CDKL2: variants seen among roughly 807,000 people sequenced by gnomAD.
CDKL2 encodes cyclin dependent kinase like 2, also known as cyclin-dependent kinase-like 2.
In CDKL2, 64 loss-of-function variants were observed where a neutral mutation model predicts 63.9. The observed-to-expected ratio is 1.00, with a 90% CI of 0.82 to 1.23. The LOEUF is 1.23. CDKL2 is among the 50% of genes most tolerant of loss of function. The probability of loss-of-function intolerance (pLI) is 0.00; values close to 1 mark genes in which losing one functional copy is unlikely to be tolerated. For synonymous variants in CDKL2, 211 were observed against 229.2 expected (o/e 0.92, Z 0.72); for missense variants, 656 against 668.0 (o/e 0.98, Z 0.20).
chr4:75,612,006 T>G (rs1481083003), intron 3 of CDKL2, among the ~76,000 whole-genome samples: 1 of 152,078 alleles, frequency 6.6e-6, no homozygotes, highest in Non-Finnish European at 1.5e-5. Context: ...AGTCTCGCCA[T>G]GTTGCCCAGG....
At position 75,607,053 on chromosome 4, in the gene CDKL2, C is replaced by G. The variant is rs115116341; in HGVS notation, c.542+130G>C. 984 of 661,504 alleles carry G rather than the reference C, an allele frequency of 1.5e-3. 6 individuals carry two copies. In the African/African-American group the frequency reaches 0.015, roughly 10 times the overall value. 41.0% of individuals were successfully genotyped at this position (661,504 alleles called of 1,614,324 possible). A position where few individuals can be genotyped will look rare whatever the true frequency, so the allele number is the denominator to read the frequency against. ...AAGCACCAAAAATGATTACAATTTACTTTATATAGTCCCTGAAACTCAAGC... is the reference window on the plus strand; with the variant it reads ...AAGCACCAAAAATGATTACAATTTAGTTTATATAGTCCCTGAAACTCAAGC... On this transcript the variant is annotated intron_variant, in intron 4 of 13. Transcript: ENST00000307465.
intron 13 of CDKL2, 90 bp downstream of exon 13, chr4:75,581,720 C>A: frequency 1.6e-6 from 1 of 638,264 alleles, no homozygotes; most frequent in South Asian, 2.1e-5. Context: ...TCACTGGAGA[C>A]GGTTTCAGCT....
chr4:75,600,359 T>G lies in CDKL2; in HGVS notation c.806A>C (p.His269Pro). ...VVIDLAKKCL[H>P]IDPDKRPFCA... ...GAAGGGTCTTTTGTCGGGGTCAATA[T>G]GTAAGCATTTCTGAAAAATTAAGAA... Residue 269 changes from histidine to proline, a missense_variant, in exon 7 of 14, where the codon CAT becomes CCT. Physicochemically the swap from His to Pro is moderately conservative, Grantham distance 77 (BLOSUM62 -2). Coordinates refer to ENST00000307465, the MANE Select transcript of CDKL2 (RefSeq NM_001330724.2). 1 of 1,608,622 alleles carries G rather than the reference T, an allele frequency of 6.2e-7. No individual in the cohort carries two copies. Among genetic ancestry groups the G allele is most frequent in the Non-Finnish European group, 8.5e-7 (1 of 1,176,000 alleles).
At position 75,579,264 on chromosome 4, in the gene CDKL2, C is replaced by T. The variant is rs188397356; in HGVS notation, c.*24-86G>A. ...TTCTATCTCACTTGCTTTCTCACAT[C>T]GTATATATTGATAACATTGGTGGGT... On this transcript the variant is annotated intron_variant, in intron 13 of 13. Coordinates refer to ENST00000307465, the MANE Select transcript of CDKL2 (RefSeq NM_001330724.2). 7.9e-5 allele frequency: 12 copies of T among 152,302 alleles called. No homozygotes were observed. In the East Asian group the frequency reaches 2.1e-3, roughly 27 times the overall value. 9.4% of individuals were successfully genotyped at this position (152,302 alleles called of 1,614,324 possible).
At chr4:75,585,063 A>G (rs1728415797) in intron 12 of CDKL2, among the ~76,000 whole-genome samples, 2 of 152,204 alleles carry the variant, frequency 1.3e-5, no homozygotes, top group South Asian at 4.1e-4. Context: ...TTAAATATAA[A>G]TATAAAAAAC....
At chr4:75,603,191 G>A (rs370030945) in intron 6 of CDKL2, among the ~76,000 whole-genome samples, 1 of 146,578 alleles carries the variant, frequency 6.8e-6, no homozygotes, top group Non-Finnish European at 1.5e-5. Context: ...TAGTAGAGAC[G>A]GGGTTTCACC....
chr4:75,581,016 T>TA (rs1280032049), intron 13 of CDKL2, among the ~76,000 whole-genome samples: 1 of 152,178 alleles, frequency 6.6e-6, no homozygotes, highest in African/African-American at 2.4e-5. Context: ...TTTTTAATAC[T>TA]AAAAAAGTTA....
intron 12 of CDKL2, among the ~76,000 whole-genome samples, chr4:75,589,365 C>T (rs974390072): frequency 4.7e-5 from 6 of 127,160 alleles, no homozygotes; most frequent in Admixed American, 3.9e-4. Context: ...AGTGCAGTGG[C>T]GGGATCTCGG....
intron 3 of CDKL2, among the ~76,000 whole-genome samples, chr4:75,608,023 A>G (rs1382756716): frequency 6.6e-6 from 1 of 151,070 alleles, no homozygotes; most frequent in Non-Finnish European, 1.5e-5. Context: ...CGTGTTAGCC[A>G]GGATGGTCTC....
At chr4:75,621,893 A>G (rs1730172471) in intron 2 of CDKL2, among the ~76,000 whole-genome samples, 1 of 152,214 alleles carries the variant, frequency 6.6e-6, no homozygotes, top group South Asian at 2.1e-4. Context: ...AATATTAGGT[A>G]TATCCTAATA....
chr4:75,608,211 G>A (rs751203451), intron 3 of CDKL2, among the ~76,000 whole-genome samples: 18 of 127,202 alleles, frequency 1.4e-4, no homozygotes, highest in African/African-American at 3.9e-4. Context: ...TTCAACCTCC[G>A]CCTCCTGGGT....
At position 75,591,637 on chromosome 4, in the gene CDKL2, G is replaced by A. The variant is rs1324444025; in HGVS notation, c.1647+182C>T. On this transcript the variant is annotated intron_variant, in intron 12 of 13. Transcript: ENST00000307465. ...TTATGGGAAGTTAGGAAATGTTTAT[G>A]TAAATATATATGTAATAAAGGTACT... Among the ~76,000 whole-genome samples, 5 of 152,060 alleles carry A rather than the reference G, an allele frequency of 3.3e-5. No individual in the cohort carries two copies. In the East Asian group the frequency reaches 9.6e-4, roughly 29 times the overall value.
At chr4:75,610,150 C>T (rs1729624564) in intron 3 of CDKL2, among the ~76,000 whole-genome samples, 1 of 151,482 alleles carries the variant, frequency 6.6e-6, no homozygotes, top group East Asian at 1.9e-4. Context: ...TTGCAGTGAG[C>T]CGAAATCGAG....
chr4:75,608,815 G>A (rs1729544918), intron 3 of CDKL2, among the ~76,000 whole-genome samples: 1 of 152,112 alleles, frequency 6.6e-6, no homozygotes, highest in Non-Finnish European at 1.5e-5. Flanking sequence ...CCAACTTGGT[G>A]AAACCTTGTC....
intron 3 of CDKL2, among the ~76,000 whole-genome samples, chr4:75,610,992 C>A (rs545851777): frequency 6.6e-6 from 1 of 152,238 alleles, no homozygotes; most frequent in African/African-American, 2.4e-5. Context: ...ACTTATGTGT[C>A]AGGCACTATT....
chr4:75,579,577 G>A (rs1728170556), intron 13 of CDKL2, among the ~76,000 whole-genome samples: 1 of 152,314 alleles, frequency 6.6e-6, no homozygotes, highest in African/African-American at 2.4e-5. Flanking sequence ...TCAGGAGGCT[G>A]AGGCAGGAGA....
chr4:75,603,769 T>C, intron 6 of CDKL2, 48 bp downstream of exon 6: 1 of 1,175,942 alleles, frequency 8.5e-7, no homozygotes, highest in Non-Finnish European at 1.2e-6. Flanking sequence ...AAGGTCTTGA[T>C]AGTGCATAAA....
chr4:75,587,176 G>A (rs911222036), intron 12 of CDKL2, among the ~76,000 whole-genome samples: 17 of 152,300 alleles, frequency 1.1e-4, no homozygotes, highest in African/African-American at 2.2e-4. Context: ...ATAAGAGGCC[G>A]GGTGCAGTGG....
At position 75,581,891 on chromosome 4, in the gene CDKL2, C is replaced by T. The variant is rs745595790; in HGVS notation, c.1655G>A (p.Gly552Glu). The T allele has an allele frequency of 6.2e-7, 1 of 1,608,566 alleles. No individual in the cohort carries two copies. Among genetic ancestry groups the T allele is most frequent in the Admixed American group, 1.7e-5 (1 of 59,902 alleles). The change falls in exon 13 of 14, where the codon GGA (glycine) becomes GAA (glutamate). Residue 552 changes from glycine (G) to glutamate (E), a missense_variant. Physicochemically the swap from Gly to Glu is moderately conservative, Grantham distance 98 (BLOSUM62 -2). Transcript: ENST00000307465. ...CCCTGAATCATCTGACAGGGGAGGT[C>T]CTGATACCTATAAATTAATAATAGA... ...TPSITLHQVS[G>E]PPLSDDSGAD... is the part of the protein sequence containing the mutation.
Sources: gnomAD v4.1 joint callset for allele counts (sites outside exome capture counted in the v4.1 genomes callset) on GRCh38, gnomAD v4.1.1 for gene constraint, MANE v1.5 for transcripts, NCBI Gene and HGNC (gene_info 2026-07-23, HGNC 2026-07-21) for gene names.